VEPH1: variants seen among roughly 807,000 people sequenced by gnomAD.
VEPH1 encodes the protein ventricular zone-expressed PH domain-containing protein homolog 1.
VEPH1 carries 80 observed loss-of-function variants against 85.2 expected under a neutral mutation model. That is an observed-to-expected ratio of 0.94 (90% CI 0.78 to 1.13). The LOEUF (loss-of-function observed/expected upper bound fraction) is 1.13, where lower values mean the gene tolerates loss of function less well. Among genes scored for constraint, VEPH1 ranks in the 50% most tolerant of loss-of-function variants. The pLI, the probability that VEPH1 is intolerant of heterozygous loss-of-function variation, is 0.00. For missense variants in VEPH1, 955 were observed against 980.5 expected (o/e 0.97, Z 0.35); for synonymous variants, 297 against 348.0 (o/e 0.85, Z 1.63).
intron 2 of VEPH1, among the ~76,000 whole-genome samples, chr3:157,473,619 A>G (rs1241859855): frequency 6.6e-6 from 1 of 152,156 alleles, no homozygotes; most frequent in Non-Finnish European, 1.5e-5. Flanking sequence ...TTGGCATAAA[A>G]TTTTATGGTC....
chr3:157,501,413 G>A (rs182835076), intron 1 of VEPH1, among the ~76,000 whole-genome samples: 1 of 152,282 alleles, frequency 6.6e-6, no homozygotes, highest in Admixed American at 6.5e-5. Context: ...AACTTTTTGT[G>A]GCTGGGTAAT....
intron 9 of VEPH1, among the ~76,000 whole-genome samples, chr3:157,327,172 GA>G (rs1722000254): frequency 6.6e-6 from 1 of 152,176 alleles, no homozygotes; most frequent in African/African-American, 2.4e-5. Flanking sequence ...CTTCAGGCAA[GA>G]AGACACACCA....
chr3:157,416,061 T>C (rs534670670), intron 5 of VEPH1, among the ~76,000 whole-genome samples: 1 of 152,260 alleles, frequency 6.6e-6, no homozygotes, highest in African/African-American at 2.4e-5. Flanking sequence ...TAAAGAATCA[T>C]CCCTATCTTG....
In VEPH1 at chr3:157,437,852, G is replaced by T. The variant is rs1373413001; in HGVS notation, c.530-9364C>A. 2.4e-5 allele frequency: 36 copies of T among 1,497,736 alleles called. No individual in the cohort carries two copies. The Admixed American group carries it at 4.5e-4, about 19-fold the overall frequency. The allele number at this position is 1,497,736 out of a possible 1,614,324, so 92.8% of individuals were successfully genotyped here. A position where few individuals can be genotyped will look rare whatever the true frequency, so the allele number is the denominator to read the frequency against. ...CTGGCCGCGGTGCTAGAGGAGCTGC[G>T]GCAGACGCGAGCCGACCTGCACGCG... is the stretch of plus-strand genomic sequence containing the variant. On this transcript the variant is annotated intron_variant, in intron 4 of 13. Transcript: ENST00000362010.
intron 4 of VEPH1, 147 bp downstream of exon 4, chr3:157,460,034 T>A: frequency 6.4e-7 from 1 of 1,572,350 alleles, no homozygotes; most frequent in Non-Finnish European, 8.6e-7. Flanking sequence ...ACCTTTTGCA[T>A]GTTCACAGGT....
chr3:157,341,831 C>G (rs1418942204), intron 9 of VEPH1, among the ~76,000 whole-genome samples: 3 of 151,966 alleles, frequency 2.0e-5, no homozygotes, highest in Non-Finnish European at 4.4e-5. Context: ...GATCTCTCGG[C>G]AGAAACTCTA....
chr3:157,281,853 T>G (rs984405659), intron 12 of VEPH1, among the ~76,000 whole-genome samples: 1 of 152,240 alleles, frequency 6.6e-6, no homozygotes, highest in Non-Finnish European at 1.5e-5. Context: ...AGTTTTCTTT[T>G]ATCACTTTTA....
At position 157,472,610 on chromosome 3, in the gene VEPH1, T is replaced by A. The variant is rs369437096; in HGVS notation, c.139-2081A>T. On this transcript the variant is annotated intron_variant, in intron 2 of 13. Transcript: ENST00000362010. ...TGGGAGTTTGTTATACAGATTACTT[T>A]GTCACTCAAGTATCATGCCTAGTAC... is the stretch of plus-strand genomic sequence containing the variant. Among the ~76,000 whole-genome samples, 30 of 152,302 alleles carry A rather than the reference T, an allele frequency of 2.0e-4. No homozygotes were observed. The East Asian group carries it at 5.4e-3, about 27-fold the overall frequency.
intron 11 of VEPH1, among the ~76,000 whole-genome samples, chr3:157,295,437 A>C (rs1717999913): frequency 6.6e-6 from 1 of 151,878 alleles, no homozygotes; most frequent in South Asian, 2.1e-4. Flanking sequence ...GTCTTGAAAA[A>C]ATTAAAAAAA....
chr3:157,392,268 A>G (rs567959566), intron 6 of VEPH1, among the ~76,000 whole-genome samples: 1 of 152,352 alleles, frequency 6.6e-6, no homozygotes, highest in South Asian at 2.1e-4. Context: ...CCATTTTCAC[A>G]ATCATGGCAG....
chr3:157,359,918 G>T (rs1725859719), intron 9 of VEPH1, among the ~76,000 whole-genome samples: 1 of 152,082 alleles, frequency 6.6e-6, no homozygotes, highest in Non-Finnish European at 1.5e-5. Flanking sequence ...TTAACACTTT[G>T]TTGTTATTTC....
intron 6 of VEPH1, among the ~76,000 whole-genome samples, chr3:157,387,465 G>A (rs1022154282): frequency 3.3e-5 from 5 of 152,158 alleles, no homozygotes; most frequent in African/African-American, 1.2e-4. Context: ...AGTTGCACAG[G>A]TATAATATAG....
chr3:157,279,999 A>C (rs1364539162), intron 12 of VEPH1, among the ~76,000 whole-genome samples: 2 of 136,104 alleles, frequency 1.5e-5, no homozygotes, highest in Non-Finnish European at 1.5e-5. Context: ...CTGGCGACAG[A>C]GCAAGACTCT....
intron 13 of VEPH1, among the ~76,000 whole-genome samples, chr3:157,264,459 A>G (rs1001932707): frequency 6.6e-6 from 1 of 152,134 alleles, no homozygotes; most frequent in African/African-American, 2.4e-5. Context: ...ATGTCTTTAT[A>G]TATCCTATTG....
intron 11 of VEPH1, among the ~76,000 whole-genome samples, chr3:157,299,601 T>C (rs1183797547): frequency 6.6e-6 from 1 of 151,324 alleles, no homozygotes. Context: ...AAGAAACCTT[T>C]ATCATGACTG....
chr3:157,272,317 CCT>C (rs370989598), intron 12 of VEPH1, among the ~76,000 whole-genome samples: 98 of 141,114 alleles, frequency 6.9e-4, no homozygotes, highest in African/African-American at 2.2e-3. Context: ...TCTCTCTCTC[CCT>C]CTCTCTCTCT....
At chr3:157,429,705 CTGTT>C (rs1733002905) in intron 4 of VEPH1, among the ~76,000 whole-genome samples, 1 of 152,088 alleles carries the variant, frequency 6.6e-6, no homozygotes, top group East Asian at 1.9e-4. Flanking sequence ...GTTTTGTTTT[CTGTT>C]TATTTTACTA....
At chr3:157,461,880 T>G (rs1040274128) in intron 3 of VEPH1, among the ~76,000 whole-genome samples, 1 of 151,722 alleles carries the variant, frequency 6.6e-6, no homozygotes, top group Admixed American at 6.6e-5. Flanking sequence ...TCCTTAAACC[T>G]AACTCAAAAA....
At chr3:157,349,335 G>T (rs545092220) in intron 9 of VEPH1, among the ~76,000 whole-genome samples, 1 of 152,108 alleles carries the variant, frequency 6.6e-6, no homozygotes, top group Non-Finnish European at 1.5e-5. Flanking sequence ...TTCAATGTCC[G>T]TTCATGATAA....
Sources: gnomAD v4.1 joint callset for allele counts (sites outside exome capture counted in the v4.1 genomes callset) on GRCh38, gnomAD v4.1.1 for gene constraint, MANE v1.5 for transcripts, NCBI Gene and HGNC (gene_info 2026-07-23, HGNC 2026-07-21) for gene names.